Variants in CA10 observed in about 807,000 individuals in gnomAD.
CA10 encodes carbonic anhydrase-related protein 10.
In CA10, 14 loss-of-function variants were observed where a neutral mutation model predicts 44.2. The observed-to-expected ratio is 0.32, with a 90% CI of 0.21 to 0.50. CA10 has a LOEUF of 0.50. CA10 is among the 20% of genes least tolerant of loss of function. The pLI is 0.99. For missense variants in CA10, 350 were observed against 409.7 expected (o/e 0.85, Z 1.26); for synonymous variants, 159 against 141.6 (o/e 1.12, Z -0.87).
intron 3 of CA10, among the ~76,000 whole-genome samples, chr17:51,894,752 T>C (rs1307668003): frequency 6.6e-6 from 1 of 152,162 alleles, no homozygotes; most frequent in Non-Finnish European, 1.5e-5. Context: ...TCACTAAGTT[T>C]GTGGTACTTT....
chr17:51,837,768 C>T (rs1301388567), intron 3 of CA10, among the ~76,000 whole-genome samples: 1 of 152,164 alleles, frequency 6.6e-6, no homozygotes, highest in Non-Finnish European at 1.5e-5. Context: ...CTACTGAAAG[C>T]TTTCCATTAT....
chr17:51,703,106 T>C (rs1597995960), intron 4 of CA10, among the ~76,000 whole-genome samples: 1 of 152,252 alleles, frequency 6.6e-6, no homozygotes, highest in East Asian at 1.9e-4. Context: ...TAGGTCGTAT[T>C]GTGGAGAAAG....
chr17:52,005,333 A>G (rs191184005), intron 2 of CA10, among the ~76,000 whole-genome samples: 3 of 152,094 alleles, frequency 2.0e-5, no homozygotes. Flanking sequence ...ATCTTTAAAG[A>G]AACTTTTAAT....
chr17:51,850,677 A>G (rs1397974896), intron 3 of CA10, among the ~76,000 whole-genome samples: 1 of 152,238 alleles, frequency 6.6e-6, no homozygotes, highest in Non-Finnish European at 1.5e-5. Context: ...GCACTGAAAT[A>G]GAAGCCTCAT....
intron 2 of CA10, among the ~76,000 whole-genome samples, chr17:52,012,142 A>G (rs921324158): frequency 2.6e-5 from 4 of 152,080 alleles, no homozygotes; most frequent in Non-Finnish European, 4.4e-5. Context: ...CATAATCTTT[A>G]CAATGATTTT....
At chr17:51,824,548 A>C (rs911966504) in intron 3 of CA10, among the ~76,000 whole-genome samples, 9 of 152,266 alleles carry the variant, frequency 5.9e-5, no homozygotes, top group Non-Finnish European at 1.2e-4. Context: ...ACAAAACTTT[A>C]AAACTTTAAA....
intron 2 of CA10, among the ~76,000 whole-genome samples, chr17:52,023,153 G>A (rs79752891): frequency 0.033 from 4,956 of 151,816 alleles, 257 homozygotes; most frequent in African/African-American, 0.11. Flanking sequence ...ATGGCTAAAC[G>A]ATCCTAAGCA....
intron 3 of CA10, among the ~76,000 whole-genome samples, chr17:51,903,780 G>A (rs2143936186): frequency 1.3e-5 from 2 of 152,248 alleles, no homozygotes; most frequent in Middle Eastern, 6.8e-3. Flanking sequence ...AGAGAAGAGA[G>A]CTCCAAAATA....
chr17:52,077,763 G>T (rs1357422916), intron 1 of CA10, among the ~76,000 whole-genome samples: 1 of 152,054 alleles, frequency 6.6e-6, no homozygotes, highest in Non-Finnish European at 1.5e-5. Context: ...ATCTGAAATT[G>T]GTCACCAGCA....
Position 51,919,388 on chromosome 17 carries a change from G to GGT in CA10, c.279+11600_279+11601dup, listed in dbSNP as rs144367574. ...AGATCAGCATCAAAAGCTTATCTTG[G>GGT]GTGTGTGTGACTGTTTCTGCCGCTG... On this transcript the variant is annotated intron_variant, in intron 3 of 8. Transcript: ENST00000451037. 1.3e-3 allele frequency among the ~76,000 whole-genome samples: 201 copies of GGT among 152,132 alleles called. No individual in the cohort carries two copies. In the Middle Eastern group the frequency reaches 0.037, roughly 28 times the overall value.
At chr17:51,955,037 T>A (rs1227625863) in intron 2 of CA10, among the ~76,000 whole-genome samples, 1 of 152,090 alleles carries the variant, frequency 6.6e-6, no homozygotes, top group East Asian at 1.9e-4. Flanking sequence ...ATACACTGCA[T>A]CTCATTTTTA....
intron 4 of CA10, among the ~76,000 whole-genome samples, chr17:51,688,263 C>A (rs551950887): frequency 6.6e-6 from 1 of 152,288 alleles, no homozygotes; most frequent in South Asian, 2.1e-4. Context: ...CTCGGAAGAC[C>A]CCTAGCCAGA....
intron 3 of CA10, among the ~76,000 whole-genome samples, chr17:51,848,763 T>C (rs1978611072): frequency 6.6e-6 from 1 of 152,144 alleles, no homozygotes; most frequent in Non-Finnish European, 1.5e-5. Flanking sequence ...AAAATTGCTG[T>C]GGGCAGGGCA....
At chr17:52,113,821 C>G (rs551209097) in intron 1 of CA10, among the ~76,000 whole-genome samples, 9 of 152,202 alleles carry the variant, frequency 5.9e-5, no homozygotes, top group South Asian at 4.2e-4. Flanking sequence ...AACTAGCTTC[C>G]CAGGCTAACA....
At chr17:52,145,340 C>T (rs939742043) in intron 1 of CA10, among the ~76,000 whole-genome samples, 1 of 152,076 alleles carries the variant, frequency 6.6e-6, no homozygotes, top group African/African-American at 2.4e-5. Context: ...TACTAAAGTT[C>T]CTAAGTTGGA....
chr17:52,013,145 G>C (rs1307757465), intron 2 of CA10, among the ~76,000 whole-genome samples: 1 of 151,822 alleles, frequency 6.6e-6, no homozygotes, highest in African/African-American at 2.4e-5. Flanking sequence ...TCCTCACAAG[G>C]AACTTCCACA....
At chr17:51,946,234 A>AT (rs1983267212) in intron 2 of CA10, among the ~76,000 whole-genome samples, 1 of 152,196 alleles carries the variant, frequency 6.6e-6, no homozygotes, top group Non-Finnish European at 1.5e-5. Context: ...TTTTATTAAC[A>AT]TGGTAATTAC....
chr17:51,701,921 C>T (rs79832352), intron 4 of CA10, among the ~76,000 whole-genome samples: 12,168 of 152,162 alleles, frequency 0.08, 1,633 homozygotes, highest in African/African-American at 0.28. Flanking sequence ...TGTGTACCTC[C>T]GGCCACCCCA....
chr17:51,898,636 T>TA (rs1981177059), intron 3 of CA10, among the ~76,000 whole-genome samples: 1 of 151,926 alleles, frequency 6.6e-6, no homozygotes, highest in Admixed American at 6.6e-5. Context: ...GTGCCAGCTC[T>TA]TTAACACATC....
Sources: allele counts gnomAD v4.1 joint callset (sites outside exome capture counted in the v4.1 genomes callset), GRCh38; gene constraint gnomAD v4.1.1; transcripts MANE v1.5; gene names NCBI Gene and HGNC (gene_info 2026-07-23, HGNC 2026-07-21).